The following ACOXL variants were observed in gnomAD, a reference collection of about 807,000 sequenced individuals.
ACOXL encodes the protein acyl-coenzyme A oxidase-like protein.
In ACOXL, 70 loss-of-function variants were observed where a neutral mutation model predicts 71.9. The ratio of observed to expected loss-of-function variants is 0.97; its 90% CI spans 0.80 to 1.19. The LOEUF is 1.19. Ranked by LOEUF, ACOXL falls within the 50% of genes most tolerant of loss-of-function variation. The probability of loss-of-function intolerance (pLI) is 0.00; values close to 1 mark genes in which losing one functional copy is unlikely to be tolerated. For missense variants in ACOXL, 703 were observed against 736.3 expected, an observed-to-expected ratio of 0.95 and a Z score of 0.52; for synonymous variants, 253 against 281.6, an observed-to-expected ratio of 0.90 and a Z score of 1.02.
chr2:111,062,612 C>T (rs561471762), intron 16 of ACOXL, among the ~76,000 whole-genome samples: 4 of 152,068 alleles, frequency 2.6e-5, no homozygotes, highest in Admixed American at 6.5e-5. Context: ...AATAAAAATA[C>T]GTTGAACAGA....
At chr2:110,848,341 T>C (rs1278938611) in intron 10 of ACOXL, among the ~76,000 whole-genome samples, 1 of 152,250 alleles carries the variant, frequency 6.6e-6, no homozygotes, top group African/African-American at 2.4e-5. Flanking sequence ...CAACCAGATA[T>C]ACACAGGGTT....
intron 1 of ACOXL, among the ~76,000 whole-genome samples, chr2:110,763,300 G>A (rs1187360104): frequency 3.9e-5 from 6 of 152,192 alleles, no homozygotes; most frequent in Non-Finnish European, 8.8e-5. Context: ...CAAATCTACA[G>A]TAATTAAAAA....
intron 14 of ACOXL, among the ~76,000 whole-genome samples, chr2:110,998,279 A>G (rs1359372201): frequency 6.6e-6 from 1 of 152,218 alleles, no homozygotes; most frequent in African/African-American, 2.4e-5. Context: ...ATGTTTTATT[A>G]AATTGAAAGC....
chr2:111,052,980 G>T (rs572190300), intron 16 of ACOXL, among the ~76,000 whole-genome samples: 2 of 152,228 alleles, frequency 1.3e-5, no homozygotes, highest in South Asian at 4.1e-4. Context: ...CTCTGTCCCA[G>T]CAAAGAGTAC....
chr2:110,904,564 T>G lies in ACOXL; in HGVS notation c.789-4225T>G, dbSNP rs2059367832. Among the ~76,000 whole-genome samples the G allele has an allele frequency of 2.0e-5, 3 of 152,274 alleles. No individual in the cohort carries two copies. In the South Asian group the frequency reaches 6.2e-4, roughly 32 times the overall value. On this transcript the variant is annotated intron_variant, in intron 10 of 17. Coordinates refer to ENST00000439055, the MANE Select transcript of ACOXL (RefSeq NM_001142807.4). ...GTGCTGTTTTAAAATGTAGGTTGTA[T>G]TATTACTCAGTATGGTGAGCTTGGC...
chr2:110,996,960 T>C (rs1297349666), intron 14 of ACOXL, among the ~76,000 whole-genome samples: 3 of 152,086 alleles, frequency 2.0e-5, no homozygotes, highest in African/African-American at 7.2e-5. Context: ...AATCAATTTT[T>C]CCCCCAGGCG....
At chr2:110,768,285 G>C in intron 1 of ACOXL, 83 bp from the exon 2 acceptor site, 1 of 1,093,626 alleles carries the variant, frequency 9.1e-7, no homozygotes, top group Non-Finnish European at 1.4e-6. Context: ...CAGCTTTTCT[G>C]TCTGAGCCCG....
At chr2:110,789,248 G>T (rs772560137) in intron 3 of ACOXL, among the ~76,000 whole-genome samples, 1 of 152,292 alleles carries the variant, frequency 6.6e-6, no homozygotes, top group East Asian at 1.9e-4. Flanking sequence ...TTGTGAGCCA[G>T]CCCAAGTTTC....
intron 1 of ACOXL, among the ~76,000 whole-genome samples, chr2:110,767,973 C>T (rs937183187): frequency 2.2e-5 from 3 of 133,514 alleles, no homozygotes; most frequent in African/African-American, 8.4e-5. Context: ...CACACACACA[C>T]ACACACAAAT....
At chr2:111,004,406 G>A (rs896089854) in intron 14 of ACOXL, among the ~76,000 whole-genome samples, 5 of 152,148 alleles carry the variant, frequency 3.3e-5, no homozygotes, top group African/African-American at 4.8e-5. Context: ...TTGGAGAGTC[G>A]AGAAGACCAT....
intron 16 of ACOXL, among the ~76,000 whole-genome samples, chr2:111,091,140 C>T (rs1205182929): frequency 1.3e-5 from 2 of 152,118 alleles, no homozygotes; most frequent in Non-Finnish European, 2.9e-5. Context: ...TCCCTGTTTA[C>T]ATAGCTTTTT....
chr2:110,828,888 C>T (rs1689484945), intron 9 of ACOXL, among the ~76,000 whole-genome samples: 1 of 152,018 alleles, frequency 6.6e-6, no homozygotes, highest in Non-Finnish European at 1.5e-5. Flanking sequence ...CTTGGCTCAC[C>T]ACAACCTCTG....
At chr2:110,807,057 GC>G (rs1442163680) in intron 9 of ACOXL, among the ~76,000 whole-genome samples, 1 of 152,126 alleles carries the variant, frequency 6.6e-6, no homozygotes, top group Non-Finnish European at 1.5e-5. Context: ...TCATGGACCA[GC>G]CCCTGCCAGG....
At chr2:110,768,309 C>T (rs1681383297) in intron 1 of ACOXL, 59 bp from the exon 2 acceptor site, 1 of 1,435,348 alleles carries the variant, frequency 7.0e-7, no homozygotes, top group Non-Finnish European at 9.8e-7. Flanking sequence ...TCAAAGCATC[C>T]ACAGCCTCCC....
intron 7 of ACOXL, among the ~76,000 whole-genome samples, 178 bp from the exon 8 acceptor site, chr2:110,801,474 C>T (rs958192018): frequency 3.9e-5 from 6 of 152,194 alleles, no homozygotes; most frequent in Non-Finnish European, 8.8e-5. Context: ...GTGGAAGAAA[C>T]AGGCACAGCT....
chr2:111,103,873 A>G (rs766328746), intron 17 of ACOXL, among the ~76,000 whole-genome samples: 3 of 152,150 alleles, frequency 2.0e-5, no homozygotes, highest in Admixed American at 6.5e-5. Context: ...TTGTACAACT[A>G]TAGCTTTACA....
chr2:111,079,227 C>A (rs2067764991), intron 16 of ACOXL, among the ~76,000 whole-genome samples: 1 of 151,970 alleles, frequency 6.6e-6, no homozygotes. Context: ...TACATTGTAC[C>A]CATTAAGTAA....
At chr2:110,892,974 A>G (rs1343408399) in intron 10 of ACOXL, among the ~76,000 whole-genome samples, 1 of 152,174 alleles carries the variant, frequency 6.6e-6, no homozygotes, top group Non-Finnish European at 1.5e-5. Context: ...CCCATATCCC[A>G]CTGGGGTAGA....
chr2:110,811,486 A>G (rs1687309046), intron 9 of ACOXL, among the ~76,000 whole-genome samples: 1 of 152,162 alleles, frequency 6.6e-6, no homozygotes, highest in South Asian at 2.1e-4. Flanking sequence ...TGGTGCTCAC[A>G]GGAGTGTGTT....
Sources: allele counts gnomAD v4.1 joint callset (sites outside exome capture counted in the v4.1 genomes callset), GRCh38; gene constraint gnomAD v4.1.1; transcripts MANE v1.5; gene names NCBI Gene and HGNC (gene_info 2026-07-23, HGNC 2026-07-21).